Variants in ADARB2 observed in about 807,000 individuals in gnomAD.
ADARB2 encodes inactive double-stranded RNA-specific editase B2.
ADARB2 carries 25 observed loss-of-function variants against 62.2 expected under a neutral mutation model. The ratio of observed to expected loss-of-function variants is 0.40; its 90% confidence interval spans 0.29 to 0.56. The LOEUF (loss-of-function observed/expected upper bound fraction) is 0.56. Among genes scored for constraint, ADARB2 ranks in the 20% least tolerant of loss-of-function variants. The pLI is 0.43. For missense variants in ADARB2, 1,071 were observed against 1,077.4 expected (o/e 0.99, Z 0.08); for synonymous variants, 572 against 500.8 (o/e 1.14, Z -1.90).
intron 1 of ADARB2, among the ~76,000 whole-genome samples, chr10:1,591,122 A>T (rs1457601115): frequency 6.6e-6 from 1 of 152,200 alleles, no homozygotes; most frequent in Non-Finnish European, 1.5e-5. Flanking sequence ...TCAGAAGAGG[A>T]TTCCTCAACC....
In ADARB2 at chr10:1,177,544, T is replaced by G. The variant is rs1353981060; in HGVS notation, c.*5649A>C. 1 of 152,176 alleles carries G rather than the reference T, an allele frequency of 6.6e-6. No homozygotes were observed. The highest frequency in any genetic ancestry group is 1.5e-5 in the Non-Finnish European group (1 of 68,034). 9.4% of individuals were successfully genotyped at this position (152,176 alleles called of 1,614,324 possible). ...TAGAATTACTATGTGTTAAGTTCAT[T>G]TTGCTTACAAAATGCTGAAAACTAA... On this transcript the variant is annotated 3_prime_UTR_variant, in exon 10 of 10. Transcript: ENST00000381312.
At chr10:1,421,813 A>G (rs80130987) in intron 1 of ADARB2, among the ~76,000 whole-genome samples, 2,465 of 152,350 alleles carry the variant, frequency 0.016, 53 homozygotes, top group African/African-American at 0.047. Flanking sequence ...TCCAGTTAGA[A>G]CACTCGGAGA....
Position 1,398,721 on chromosome 10 carries a change from T to G in ADARB2, c.101-19561A>C, listed in dbSNP as rs757773829. Among the ~76,000 whole-genome samples, 1 of 152,196 alleles carries G rather than the reference T, an allele frequency of 6.6e-6. No homozygotes were observed. Among genetic ancestry groups the G allele is most frequent in the Admixed American group, 6.5e-5 (1 of 15,284 alleles). ...ATCAGCATAGATGGAGAAGAGACTT[T>G]CGTGCCTCTGACCCTCAAATTACCC... On this transcript the variant is annotated intron_variant, in intron 1 of 9. Transcript: ENST00000381312. This position sits in a 1 kb window ranked among gnomAD's most constrained non-coding sequence, Gnocchi z 4.1.
chr10:1,517,979 G>T (rs931937932), intron 1 of ADARB2, among the ~76,000 whole-genome samples: 1 of 152,150 alleles, frequency 6.6e-6, no homozygotes, highest in African/African-American at 2.4e-5. Flanking sequence ...ATGAAAGGGG[G>T]CAAAATTCAC....
At chr10:1,437,171 G>A (rs1292239171) in intron 1 of ADARB2, among the ~76,000 whole-genome samples, 1 of 151,550 alleles carries the variant, frequency 6.6e-6, no homozygotes, top group African/African-American at 2.4e-5. Flanking sequence ...GACGTAAATG[G>A]GAAAAAACAT....
rs79931345 is a variant in ADARB2 at position 1,299,205 on chromosome 10, C to T, written c.1078-28136G>A. On this transcript the variant is annotated intron_variant, in intron 3 of 9. Coordinates refer to ENST00000381312, the MANE Select transcript of ADARB2 (RefSeq NM_018702.4). ...GGACCCCAGCTAATCTGGGGAGTCA[C>T]GAAGGGGCCCCAGATGGGGAAACCC... 3.0e-3 allele frequency among the ~76,000 whole-genome samples: 454 copies of T among 152,086 alleles called. 2 individuals are homozygous for T. Among genetic ancestry groups the T allele is most frequent in the African/African-American group, 0.011 (436 of 41,502 alleles).
intron 2 of ADARB2, among the ~76,000 whole-genome samples, chr10:1,368,961 G>C (rs1192367881): frequency 7.2e-5 from 11 of 152,196 alleles, no homozygotes; most frequent in Admixed American, 7.2e-4. Flanking sequence ...GTGAGGGTGG[G>C]AGCTGGTCCT....
At chr10:1,512,547 G>C (rs2813446) in intron 1 of ADARB2, among the ~76,000 whole-genome samples, 1,912 of 152,336 alleles carry the variant, frequency 0.013, 55 homozygotes, top group African/African-American at 0.042. Context: ...AGATGAGAAG[G>C]CTGAAGTCCA....
intron 1 of ADARB2, among the ~76,000 whole-genome samples, chr10:1,523,244 T>C (rs1832096061): frequency 6.6e-6 from 1 of 152,188 alleles, no homozygotes; most frequent in Non-Finnish European, 1.5e-5. Context: ...TGATAACAAA[T>C]GGTTATCTAC....
At chr10:1,641,317 C>T (rs1055688227) in intron 1 of ADARB2, among the ~76,000 whole-genome samples, 2 of 152,216 alleles carry the variant, frequency 1.3e-5, no homozygotes, top group Non-Finnish European at 2.9e-5. Flanking sequence ...TGGTGTGTTT[C>T]CACTTTGACC....
intron 1 of ADARB2, among the ~76,000 whole-genome samples, chr10:1,410,161 G>T (rs1441474509): frequency 6.8e-6 from 1 of 146,796 alleles, no homozygotes; most frequent in African/African-American, 2.5e-5. Context: ...CCTGGCTGTG[G>T]TCATGGTGCC....
At chr10:1,266,159 CTG>C in intron 4 of ADARB2, among the ~76,000 whole-genome samples, 1 of 152,350 alleles carries the variant, frequency 6.6e-6, no homozygotes, top group Non-Finnish European at 1.5e-5. Context: ...TCCACGCCCT[CTG>C]AGAAGATGGC....
chr10:1,553,980 G>A (rs1012885134), intron 1 of ADARB2, among the ~76,000 whole-genome samples: 16 of 152,220 alleles, frequency 1.1e-4, no homozygotes, highest in Non-Finnish European at 1.8e-4. Flanking sequence ...AAAGTCGGCT[G>A]GTGGAGGCTG....
At chr10:1,708,403 T>C (rs1834916514) in intron 1 of ADARB2, among the ~76,000 whole-genome samples, 1 of 152,166 alleles carries the variant, frequency 6.6e-6, no homozygotes, top group Non-Finnish European at 1.5e-5. Context: ...TGCATTTACT[T>C]GGGAAAATCT....
intron 3 of ADARB2, among the ~76,000 whole-genome samples, chr10:1,314,806 A>G (rs1419237845): frequency 6.6e-6 from 1 of 152,154 alleles, no homozygotes. Context: ...CTCCAGGAGG[A>G]ACATGGCCTC....
chr10:1,233,244 A>G (rs1830826835), intron 6 of ADARB2, among the ~76,000 whole-genome samples: 1 of 152,152 alleles, frequency 6.6e-6, no homozygotes, highest in Admixed American at 6.5e-5. Flanking sequence ...GGAACTTTAT[A>G]GTTCACCTGG....
chr10:1,352,200 C>A (rs944885252), intron 3 of ADARB2, among the ~76,000 whole-genome samples: 14 of 151,944 alleles, frequency 9.2e-5, no homozygotes, highest in Admixed American at 2.6e-4. Flanking sequence ...GCTCTCCCTG[C>A]CAATTGTGTC....
intron 3 of ADARB2, among the ~76,000 whole-genome samples, chr10:1,348,134 T>C (rs1564264652): frequency 6.6e-6 from 1 of 152,080 alleles, no homozygotes; most frequent in Non-Finnish European, 1.5e-5. Context: ...GGTGCAGTGA[T>C]TTGCTGAGCA....
intron 7 of ADARB2, among the ~76,000 whole-genome samples, chr10:1,206,002 GTCAGGTGGTTCACGGGGCAGCTGGGC>G (rs1422338752): frequency 6.6e-5 from 10 of 151,854 alleles, no homozygotes; most frequent in African/African-American, 1.9e-4. Context: ...GCCCGCTGGG[GTCAGGTGGTTCACGGGGCAGCTGGGC>G]TCAGGTGGGG....
Sources: gnomAD v4.1 joint callset for allele counts (sites outside exome capture counted in the v4.1 genomes callset) on GRCh38, gnomAD v4.1.1 for gene constraint, Gnocchi (gnomAD v3.1) non-coding constraint, MANE v1.5 for transcripts, NCBI Gene and HGNC (gene_info 2026-07-23, HGNC 2026-07-21) for gene names.